CDCA2: variants seen among roughly 807,000 people sequenced by gnomAD.
The protein encoded by CDCA2 is cell division cycle-associated protein 2.
Under a neutral mutation model 67.0 loss-of-function variants are expected in CDCA2, and 44 were observed. That is an observed-to-expected ratio of 0.66 (90% CI 0.52 to 0.84). The LOEUF (loss-of-function observed/expected upper bound fraction) is 0.84, where lower values mean the gene tolerates loss of function less well. CDCA2 is among the 40% of genes least tolerant of loss of function. The pLI is 0.00. For synonymous variants in CDCA2, 447 were observed against 418.7 expected, an observed-to-expected ratio of 1.07 and a Z score of -0.82; for missense variants, 1,253 against 1,203.2, an observed-to-expected ratio of 1.04 and a Z score of -0.61.
intron 13 of CDCA2, among the ~76,000 whole-genome samples, chr8:25,495,483 C>T (rs551553887): frequency 3.2e-4 from 48 of 151,860 alleles, no homozygotes; most frequent in South Asian, 8.3e-4. Context: ...GGCGTGAGCT[C>T]GGCTCACTGC....
chr8:25,466,141 T>C, intron 4 of CDCA2, 34 bp from the exon 5 acceptor site: 1 of 1,569,122 alleles, frequency 6.4e-7, no homozygotes, highest in Non-Finnish European at 8.6e-7. Context: ...ATGAATTGAT[T>C]ATAATACTCC....
intron 5 of CDCA2, among the ~76,000 whole-genome samples, chr8:25,467,052 AAAAAAAAAAAAAAACAC>A (rs1015490782): frequency 5.8e-5 from 8 of 138,712 alleles, no homozygotes; most frequent in African/African-American, 1.7e-4. Flanking sequence ...AAAAAAAAAA[AAAAAAAAAAAAAAACAC>A]ACACACACAC....
At position 25,475,940 on chromosome 8, in the gene CDCA2, G is replaced by A. The variant is rs1045192444; in HGVS notation, c.821-3973G>A. The stretch of plus-strand genomic sequence containing the variant: ...CAGCTCCTGCGAAGTATCCCAGAAT[G>A]GTGGGGAAGCCAAACGTCTGCTTCC... On this transcript the variant is annotated intron_variant, in intron 7 of 14. Transcript: ENST00000330560. 3.9e-5 allele frequency among the ~76,000 whole-genome samples: 6 copies of A among 152,304 alleles called. 1 individual carries two copies. Among genetic ancestry groups the A allele is most frequent in the Admixed American group, 3.9e-4 (6 of 15,296 alleles).
At position 25,459,305 on chromosome 8, in the gene CDCA2, C is replaced by T. The variant is rs1383430059; in HGVS notation, c.-169C>T. On this transcript the variant is annotated 5_prime_UTR_variant, in exon 1 of 15. Coordinates refer to ENST00000330560, the MANE Select transcript of CDCA2 (RefSeq NM_152562.4). ...GAGTCCAGGTCAGCCGTCGGGACCT[C>T]GGGCTCCGGGTTCGAAGAGCGGCTC... The T allele has an allele frequency of 2.0e-5, 3 of 152,342 alleles. No individual in the cohort carries two copies. The highest frequency in any genetic ancestry group is 1.3e-4 in the Admixed American group (2 of 15,274). The allele number at this position is 152,342 out of a possible 1,614,324, so 9.4% of individuals were successfully genotyped here. A position where few individuals can be genotyped will look rare whatever the true frequency, so the allele number is the denominator to read the frequency against.
At chr8:25,459,040 G>A (rs1254928167), upstream of CDCA2, 3 of 152,402 alleles carry the variant, frequency 2.0e-5, no homozygotes, top group Non-Finnish European at 4.4e-5. Flanking sequence ...TGTAGTCCTC[G>A]GGTTGACTGC....
chr8:25,464,632 T>C (rs1802828137), intron 4 of CDCA2, among the ~76,000 whole-genome samples: 1 of 152,210 alleles, frequency 6.6e-6, no homozygotes, highest in Non-Finnish European at 1.5e-5. Context: ...AACTTAAAAT[T>C]TTTTTAAGCA....
intron 13 of CDCA2, among the ~76,000 whole-genome samples, chr8:25,495,508 G>A (rs921221725): frequency 3.3e-5 from 5 of 151,804 alleles, no homozygotes; most frequent in African/African-American, 1.2e-4. Flanking sequence ...TCCGCCTCCC[G>A]GGTTCATGCC....
At position 25,507,046 on chromosome 8, in the gene CDCA2, G is replaced by A; in HGVS notation, c.2380G>A (p.Gly794Arg). 1 of 1,613,984 alleles carries A rather than the reference G, an allele frequency of 6.2e-7. No homozygotes were observed. The highest frequency in any genetic ancestry group is 1.1e-5 in the South Asian group (1 of 91,042). ...TTCACAAAAAGACTGTCATTGTTTA[G>A]GAGATGTCTTAATTGAAAATACGAA... ...PNSQKDCHCL[G>R]DVLIENTKES... is the part of the protein sequence containing the mutation. Residue 794 changes from glycine to arginine, a missense_variant, in exon 15 of 15, where the codon GGA (glycine) becomes AGA (arginine). Transcript: ENST00000330560.
At position 25,487,275 on chromosome 8, in the gene CDCA2, C is replaced by T; in HGVS notation, c.1474C>T (p.His492Tyr). Residue 492 changes from histidine (H) to tyrosine (Y), a missense_variant, in exon 12 of 15, where the codon CAT becomes TAT. Transcript: ENST00000330560. ...TGATACCTTTAGTTCTTCAAATAACCATGAGAAAATATCCTCTCCTAAAGT... is the reference window on the plus strand; with the variant it reads ...TGATACCTTTAGTTCTTCAAATAACTATGAGAAAATATCCTCTCCTAAAGT... ...GTDTFSSSNN[H>Y]EKISSPKVGR... is the part of the protein sequence containing the mutation. The T allele has an allele frequency of 6.2e-7, 1 of 1,611,352 alleles. No homozygotes were observed. The highest frequency in any genetic ancestry group is 8.5e-7 in the Non-Finnish European group (1 of 1,178,034).
chr8:25,474,163 G>A (rs1389818472), intron 7 of CDCA2, among the ~76,000 whole-genome samples: 2 of 152,208 alleles, frequency 1.3e-5, no homozygotes, highest in African/African-American at 2.4e-5. Context: ...CATGGTGAAT[G>A]ATTCTTTTAA....
In CDCA2 at chr8:25,507,628, G is replaced by C. The variant is rs1804738928; in HGVS notation, c.2962G>C (p.Ala988Pro). ...TATATCTACACTTGCAAATACTAAA[G>C]CCACTTCCCAGTTCAAAGGCTACCG... ...FCISTLANTK[A>P]TSQFKGYRRR... Residue 988 changes from alanine (A) to proline (P), a missense_variant, in exon 15 of 15, where the codon GCC becomes CCC. Physicochemically the swap from Ala to Pro is conservative, Grantham distance 27 (BLOSUM62 -1). Transcript: ENST00000330560. 6.2e-7 allele frequency: 1 copy of C among 1,614,194 alleles called. No homozygotes were observed. The highest frequency in any genetic ancestry group is 8.5e-7 in the Non-Finnish European group (1 of 1,180,034).
chr8:25,480,306 A>G (rs1803519405), intron 8 of CDCA2, among the ~76,000 whole-genome samples, 182 bp downstream of exon 8: 1 of 152,052 alleles, frequency 6.6e-6, no homozygotes, highest in South Asian at 2.1e-4. Context: ...TTTTGTTCTT[A>G]TTTTTAAAAA....
chr8:25,462,028 C>G, intron 3 of CDCA2, 26 bp from the exon 4 acceptor site: 1 of 1,603,854 alleles, frequency 6.2e-7, no homozygotes, highest in Non-Finnish European at 8.5e-7. Context: ...TGTTTTGTTC[C>G]AATTTATAAG....
chr8:25,472,562 T>C (rs1378859119), intron 7 of CDCA2, among the ~76,000 whole-genome samples: 1 of 152,196 alleles, frequency 6.6e-6, no homozygotes, highest in Admixed American at 6.5e-5. Context: ...GTGCTGTTTC[T>C]TAATCCACAC....
chr8:25,482,690 G>A (rs1294957996), intron 8 of CDCA2, among the ~76,000 whole-genome samples: 2 of 152,120 alleles, frequency 1.3e-5, no homozygotes, highest in Non-Finnish European at 2.9e-5. Flanking sequence ...GCAACATGGC[G>A]AAACCTCGTC....
chr8:25,497,819 T>G (rs1013558608), intron 13 of CDCA2, among the ~76,000 whole-genome samples: 2 of 152,214 alleles, frequency 1.3e-5, no homozygotes, highest in African/African-American at 4.8e-5. Context: ...ATATGCAATT[T>G]TTAATTTGTT....
At chr8:25,481,697 A>G (rs1227185957) in intron 8 of CDCA2, among the ~76,000 whole-genome samples, 1 of 152,238 alleles carries the variant, frequency 6.6e-6, no homozygotes, top group Non-Finnish European at 1.5e-5. Context: ...CTCCAAAAAA[A>G]AAGAAAAGAA....
chr8:25,489,863 C>G (rs1482687351), intron 13 of CDCA2, among the ~76,000 whole-genome samples: 5 of 152,180 alleles, frequency 3.3e-5, no homozygotes, highest in Admixed American at 3.3e-4. Flanking sequence ...ACTTCCTGAT[C>G]TGTAAATCTG....
At chr8:25,467,065 A>AC (rs1554520269) in intron 5 of CDCA2, among the ~76,000 whole-genome samples, 10 of 126,246 alleles carry the variant, frequency 7.9e-5, no homozygotes, top group Non-Finnish European at 1.1e-4. Flanking sequence ...AAAAAAAAAA[A>AC]ACACACACAC....
Sources: gnomAD v4.1 joint callset for allele counts (sites outside exome capture counted in the v4.1 genomes callset) on GRCh38, gnomAD v4.1.1 for gene constraint, MANE v1.5 for transcripts, NCBI Gene and HGNC (gene_info 2026-07-23, HGNC 2026-07-21) for gene names.